KSR2: variants seen among roughly 807,000 people sequenced by gnomAD.
KSR2 encodes the protein kinase suppressor of ras 2.
KSR2 carries 25 observed loss-of-function variants against 107.8 expected under a neutral mutation model. The observed-to-expected ratio is 0.23, with a 90% CI of 0.17 to 0.32. The LOEUF (loss-of-function observed/expected upper bound fraction) is 0.32, where lower values mean the gene tolerates loss of function less well. Among genes scored for constraint, KSR2 ranks in the 10% least tolerant of loss-of-function variants. KSR2 has a pLI of 1.00. For missense variants in KSR2, 887 were observed against 1,268.9 expected (o/e 0.70, Z 4.57); for synonymous variants, 480 against 507.0 (o/e 0.95, Z 0.71).
intron 5 of KSR2, among the ~76,000 whole-genome samples, chr12:117,617,293 C>A (rs565322837): frequency 6.6e-6 from 1 of 152,102 alleles, no homozygotes; most frequent in African/African-American, 2.4e-5. Flanking sequence ...CTAATCCTTC[C>A]GCTAGTTCAC....
chr12:117,697,993 C>T (rs985880540), intron 4 of KSR2, among the ~76,000 whole-genome samples: 31 of 151,994 alleles, frequency 2.0e-4, no homozygotes, highest in African/African-American at 5.8e-4. Context: ...GAGAACACCA[C>T]GTGAAGATGA....
chr12:117,834,658 C>G (rs185519008), intron 3 of KSR2, among the ~76,000 whole-genome samples: 1 of 152,170 alleles, frequency 6.6e-6, no homozygotes, highest in Non-Finnish European at 1.5e-5. Flanking sequence ...TGAGGCTCCT[C>G]CTCTGGGCTT....
At chr12:117,816,424 G>A (rs1332282722) in intron 3 of KSR2, among the ~76,000 whole-genome samples, 1 of 152,162 alleles carries the variant, frequency 6.6e-6, no homozygotes, top group Non-Finnish European at 1.5e-5. Context: ...TGTCCCAATT[G>A]CTGATCCATA....
Position 117,722,943 on chromosome 12 carries a change from T to A in KSR2, c.986+38068A>T, listed in dbSNP as rs537171862. Among the ~76,000 whole-genome samples, 231 of 152,190 alleles carry A rather than the reference T, an allele frequency of 1.5e-3. 1 individual carries two copies. The highest frequency in any genetic ancestry group is 1.8e-3 in the Non-Finnish European group (120 of 68,012). ...CCATACCAAGAGAGTGCGAGAAGTA[T>A]CCCGTATTCCCATGGCTGCAAGGGA... On this transcript the variant is annotated intron_variant, in intron 4 of 19. Transcript: ENST00000339824.
chr12:117,956,702 G>A (rs1256358803), intron 1 of KSR2, among the ~76,000 whole-genome samples: 1 of 151,968 alleles, frequency 6.6e-6, no homozygotes, highest in African/African-American at 2.4e-5. Context: ...CAAGGCAGGA[G>A]GATCACTTGA....
chr12:117,862,323 A>G (rs373327419), intron 1 of KSR2, among the ~76,000 whole-genome samples: 2 of 152,260 alleles, frequency 1.3e-5, no homozygotes, highest in East Asian at 3.9e-4. Context: ...GCATTTTAAA[A>G]CACAGTCAAC....
rs181099952 is a variant in KSR2, at chr12:117,897,950, C to T, written c.181-37519G>A. 0.016 allele frequency among the ~76,000 whole-genome samples: 2,337 copies of T among 146,300 alleles called. 27 individuals are homozygous for T. Among genetic ancestry groups the T allele is most frequent in the Middle Eastern group, 0.036 (10 of 274 alleles). ...GTGTGTGTCTGTGTGCACTCATACA[C>T]GTACACACACACAGTCATATGGTAT... On this transcript the variant is annotated intron_variant, in intron 1 of 19. Coordinates refer to ENST00000339824, the MANE Select transcript of KSR2 (RefSeq NM_173598.6). The surrounding 1 kb of genome is among the most constrained non-coding windows in gnomAD (Gnocchi z 4.5).
intron 4 of KSR2, among the ~76,000 whole-genome samples, chr12:117,741,581 T>C (rs1458771899): frequency 6.6e-6 from 1 of 152,038 alleles, no homozygotes; most frequent in East Asian, 1.9e-4. Flanking sequence ...ATCTCAAACA[T>C]CTCTTGAGTC....
intron 1 of KSR2, among the ~76,000 whole-genome samples, chr12:117,963,927 A>T (rs1896726395): frequency 6.6e-6 from 1 of 151,972 alleles, no homozygotes. Flanking sequence ...CATCTCCCCA[A>T]CCAAGAAGGT....
chr12:117,771,715 G>A (rs1227638235), intron 3 of KSR2, among the ~76,000 whole-genome samples: 1 of 152,128 alleles, frequency 6.6e-6, no homozygotes, highest in Non-Finnish European at 1.5e-5. Flanking sequence ...TAATGGATAA[G>A]TGACAGGTCA....
At chr12:117,609,364 A>G (rs764757382) in intron 5 of KSR2, among the ~76,000 whole-genome samples, 30 of 152,218 alleles carry the variant, frequency 2.0e-4, no homozygotes, top group Non-Finnish European at 1.9e-4. Context: ...CAGTTGCCCC[A>G]GCTCATAGAA....
intron 14 of KSR2, among the ~76,000 whole-genome samples, chr12:117,493,475 C>T (rs897017700): frequency 6.6e-6 from 1 of 152,198 alleles, no homozygotes; most frequent in Non-Finnish European, 1.5e-5. Context: ...ATCTCCGAGC[C>T]TTTGCCTCTG....
intron 14 of KSR2, among the ~76,000 whole-genome samples, chr12:117,488,016 G>A (rs1484647447): frequency 6.6e-6 from 1 of 152,112 alleles, no homozygotes; most frequent in African/African-American, 2.4e-5. Flanking sequence ...ATTGAATTAT[G>A]GGGGCAGTTT....
chr12:117,838,320 A>G (rs1191081856), intron 3 of KSR2, among the ~76,000 whole-genome samples: 3 of 152,128 alleles, frequency 2.0e-5, no homozygotes, highest in Non-Finnish European at 4.4e-5. Flanking sequence ...GGCGCACACC[A>G]CCACACCCAG....
At chr12:117,544,112 A>G (rs1164858974) in intron 9 of KSR2, among the ~76,000 whole-genome samples, 1 of 152,188 alleles carries the variant, frequency 6.6e-6, no homozygotes, top group African/African-American at 2.4e-5. Context: ...ACTTTAGCAT[A>G]TCTTTGTGCG....
intron 3 of KSR2, among the ~76,000 whole-genome samples, chr12:117,806,915 G>A (rs1055941303): frequency 1.3e-4 from 20 of 152,198 alleles, no homozygotes; most frequent in Admixed American, 4.6e-4. Context: ...CTGCTGTACA[G>A]GCTGGGGCCT....
chr12:117,467,825 G>A, intron 19 of KSR2: 1 of 345,386 alleles, frequency 2.9e-6, no homozygotes, highest in Non-Finnish European at 5.5e-6. Flanking sequence ...GTACACATAG[G>A]CTGAATAAAA....
chr12:117,895,002 A>G (rs1239346709), intron 1 of KSR2, among the ~76,000 whole-genome samples: 1 of 151,462 alleles, frequency 6.6e-6, no homozygotes, highest in Non-Finnish European at 1.5e-5. Context: ...GACTGAGCCA[A>G]GAGGATTGCT....
intron 4 of KSR2, among the ~76,000 whole-genome samples, chr12:117,731,740 A>G (rs567204021): frequency 7.2e-5 from 11 of 151,818 alleles, no homozygotes; most frequent in Non-Finnish European, 1.5e-5. Context: ...CTTACCCCCA[A>G]CCCCGTGCTC....
Sources: allele counts gnomAD v4.1 joint callset (sites outside exome capture counted in the v4.1 genomes callset), GRCh38; gene constraint gnomAD v4.1.1; non-coding constraint Gnocchi (gnomAD v3.1); transcripts MANE v1.5; gene names NCBI Gene and HGNC (gene_info 2026-07-23, HGNC 2026-07-21).